DPH7: variants seen among roughly 807,000 people sequenced by gnomAD.
DPH7 encodes diphthine methyltransferase.
In DPH7, 44 loss-of-function variants were observed where a neutral mutation model predicts 41.7. That is an observed-to-expected ratio of 1.05 (90% CI 0.83 to 1.36). DPH7 has a LOEUF of 1.36. Ranked by LOEUF, DPH7 falls within the 40% of genes most tolerant of loss-of-function variation. The pLI, the probability that DPH7 is intolerant of heterozygous loss-of-function variation, is 0.00. For missense variants in DPH7, 629 were observed against 577.5 expected (o/e 1.09, Z -0.91); for synonymous variants, 275 against 238.0 (o/e 1.16, Z -1.43).
chr9:137,561,850 A>C (rs1156888528), intron 8 of DPH7, among the ~76,000 whole-genome samples: 4 of 152,068 alleles, frequency 2.6e-5, no homozygotes, highest in Non-Finnish European at 5.9e-5. Context: ...TTAGAGTTGG[A>C]GGTAGCAATA....
At chr9:137,571,451 C>T (rs960852476) in intron 5 of DPH7, among the ~76,000 whole-genome samples, 6 of 152,142 alleles carry the variant, frequency 3.9e-5, no homozygotes, top group African/African-American at 1.4e-4. Context: ...TCCTAAAGTG[C>T]TGGGATTACA....
intron 8 of DPH7, among the ~76,000 whole-genome samples, chr9:137,557,327 G>A (rs1408220028): frequency 1.3e-5 from 2 of 152,210 alleles, no homozygotes; most frequent in Non-Finnish European, 2.9e-5. Flanking sequence ...TCAACATGGT[G>A]AAACCCCGTG....
chr9:137,569,896 TCCCA>T (rs1208923436), intron 5 of DPH7, among the ~76,000 whole-genome samples: 15 of 127,606 alleles, frequency 1.2e-4, no homozygotes, highest in Non-Finnish European at 2.3e-4. Context: ...CCACACGCCC[TCCCA>T]CCCACCATCC....
At chr9:137,562,440 A>G (rs992002601) in intron 8 of DPH7, among the ~76,000 whole-genome samples, 1 of 152,190 alleles carries the variant, frequency 6.6e-6, no homozygotes, top group Non-Finnish European at 1.5e-5. Flanking sequence ...ACATTAAACA[A>G]CACACTCATA....
intron 5 of DPH7, among the ~76,000 whole-genome samples, chr9:137,569,010 T>C (rs1327834395): frequency 6.6e-6 from 1 of 152,012 alleles, no homozygotes; most frequent in Non-Finnish European, 1.5e-5. Flanking sequence ...CTTAAAGCAC[T>C]TGTTTAGGGG....
intron 8 of DPH7, among the ~76,000 whole-genome samples, chr9:137,559,331 C>G (rs756402917): frequency 6.6e-6 from 1 of 152,156 alleles, no homozygotes; most frequent in African/African-American, 2.4e-5. Flanking sequence ...GGAAGACGCC[C>G]GTTGCCAGGC....
At position 137,556,838 on chromosome 9, in the gene DPH7, G is replaced by A; in HGVS notation, c.950-1190C>T. The stretch of plus-strand genomic sequence containing the variant: ...CAGCTTAGGAAAAGGTAATAAGGCA[G>A]AGTCTAAGCCCTCAGAGAGCCACAG... On this transcript the variant is annotated intron_variant, in intron 8 of 8. Coordinates refer to ENST00000277540, the MANE Select transcript of DPH7 (RefSeq NM_138778.5). This position sits in a 1 kb window ranked among gnomAD's most constrained non-coding sequence, Gnocchi z 5.2. 2.2e-6 allele frequency: 1 copy of A among 456,676 alleles called. No homozygotes were observed. Among genetic ancestry groups the A allele is most frequent in the Non-Finnish European group, 4.4e-6 (1 of 226,958 alleles). The allele number at this position is 456,676 out of a possible 1,614,324, so 28.3% of individuals were successfully genotyped here.
intron 1 of DPH7, among the ~76,000 whole-genome samples, chr9:137,578,343 T>G (rs896270282): frequency 6.6e-6 from 1 of 152,208 alleles, no homozygotes; most frequent in Admixed American, 6.5e-5. Context: ...GTTTTGTATT[T>G]TTTTAGTAGA....
Position 137,556,857 on chromosome 9 carries a change from G to A in DPH7, c.950-1209C>T. ...AAGGCAGAGTCTAAGCCCTCAGAGAGCCACAGCCTGGGAAAAAGACAGCGA... is the reference window on the plus strand; with the variant it reads ...AAGGCAGAGTCTAAGCCCTCAGAGAACCACAGCCTGGGAAAAAGACAGCGA... On this transcript the variant is annotated intron_variant, in intron 8 of 8. Coordinates refer to ENST00000277540, the MANE Select transcript of DPH7 (RefSeq NM_138778.5). This position sits in a 1 kb window ranked among gnomAD's most constrained non-coding sequence, Gnocchi z 5.2. 2.2e-6 allele frequency: 1 copy of A among 456,670 alleles called. No individual in the cohort carries two copies. The highest frequency in any genetic ancestry group is 4.4e-6 in the Non-Finnish European group (1 of 226,944). The allele number at this position is 456,670 out of a possible 1,614,324, so 28.3% of individuals were successfully genotyped here.
At chr9:137,560,631 G>A (rs1444194867) in intron 8 of DPH7, among the ~76,000 whole-genome samples, 1 of 152,160 alleles carries the variant, frequency 6.6e-6, no homozygotes, top group Non-Finnish European at 1.5e-5. Flanking sequence ...GAGGCGGGCG[G>A]ATCACGAGGT....
chr9:137,561,028 A>AC, intron 8 of DPH7, among the ~76,000 whole-genome samples: 1 of 142,122 alleles, frequency 7.0e-6, no homozygotes, highest in Admixed American at 6.8e-5. Context: ...TCTCAAAAAA[A>AC]AAAAAAAAAA....
intron 1 of DPH7, chr9:137,578,003 T>C (rs913183570): frequency 3.0e-6 from 3 of 985,166 alleles, no homozygotes; most frequent in African/African-American, 1.7e-5. Context: ...CACCTGTATA[T>C]AGAAGACGTT....
At chr9:137,569,717 A>G (rs1840070710) in intron 5 of DPH7, among the ~76,000 whole-genome samples, 1 of 101,870 alleles carries the variant, frequency 9.8e-6, no homozygotes, top group Non-Finnish European at 2.0e-5. Context: ...CCATCCACCC[A>G]TGATCCATCC....
rs753381347 is a variant in DPH7 at position 137,574,355 on chromosome 9, T to C, written c.493A>G (p.Ile165Val). The C allele has an allele frequency of 6.2e-7, 1 of 1,614,166 alleles. No homozygotes were observed. Among genetic ancestry groups the C allele is most frequent in the South Asian group, 1.1e-5 (1 of 91,080 alleles). Residue 165 changes from isoleucine to valine, a missense_variant, in exon 5 of 9, where the codon ATC (isoleucine) becomes GTC (valine). Transcript: ENST00000277540. Reference sequence around the variant, plus strand: ...AGCTGCCCTGTGGAGTCACTGCTGATGATCTTCAAGGGCTGGTCCCCGGCC... The same window carrying C: ...AGCTGCCCTGTGGAGTCACTGCTGACGATCTTCAAGGGCTGGTCCCCGGCC... ...GRAGDQPLKIISSDSTGQLHL... is the reference protein window; with the variant it reads ...GRAGDQPLKIVSSDSTGQLHL...
At chr9:137,573,360 C>CAAAAA (rs34523698) in intron 5 of DPH7, among the ~76,000 whole-genome samples, 376 of 39,798 alleles carry the variant, frequency 9.4e-3, no homozygotes, top group East Asian at 0.013. Flanking sequence ...GACTCCATCT[C>CAAAAA]AAAAAAAAAA....
At chr9:137,573,360 C>CAA (rs34523698) in intron 5 of DPH7, among the ~76,000 whole-genome samples, 68 of 40,200 alleles carry the variant, frequency 1.7e-3, no homozygotes, top group Admixed American at 1.9e-3. Flanking sequence ...GACTCCATCT[C>CAA]AAAAAAAAAA....
At chr9:137,558,931 C>T (rs1027179413) in intron 8 of DPH7, among the ~76,000 whole-genome samples, 6 of 152,114 alleles carry the variant, frequency 3.9e-5, no homozygotes, top group South Asian at 2.1e-4. Flanking sequence ...GCTGGGATTA[C>T]AGGCGTGAGA....
Position 137,578,654 on chromosome 9 carries a change from C to T in DPH7, c.124G>A (p.Glu42Lys). 2 of 1,520,388 alleles carry T rather than the reference C, an allele frequency of 1.3e-6. No homozygotes were observed. Among genetic ancestry groups the T allele is most frequent in the South Asian group, 1.2e-5 (1 of 82,044 alleles). 94.2% of individuals were successfully genotyped at this position (1,520,388 alleles called of 1,614,324 possible). ...TTCTGGGGGCCGGCAGGCCGGTCCT[C>T]CGGCCGCCGCAGCTGGTAGGTCCCG... ...ACGTYQLRRP[E>K]DRPAGPQNKG... The change falls in exon 1 of 9, where the codon GAG becomes AAG. Residue 42 changes from glutamate to lysine, a missense_variant. Glu to Lys is a moderately conservative substitution (Grantham distance 56). Transcript: ENST00000277540.
intron 8 of DPH7, among the ~76,000 whole-genome samples, chr9:137,561,021 CAAAAAAAAA>C (rs869251490): frequency 3.7e-5 from 3 of 80,678 alleles, no homozygotes; most frequent in Non-Finnish European, 7.4e-5. Context: ...GACCCCATCT[CAAAAAAAAA>C]AAAAAAAAAA....
Sources: allele counts gnomAD v4.1 joint callset (sites outside exome capture counted in the v4.1 genomes callset), GRCh38; gene constraint gnomAD v4.1.1; non-coding constraint Gnocchi (gnomAD v3.1); transcripts MANE v1.5; gene names NCBI Gene and HGNC (gene_info 2026-07-23, HGNC 2026-07-21).